The following STAT6 variants were observed in gnomAD, a reference collection of about 807,000 sequenced individuals.
The protein encoded by STAT6 is STAT, interleukin4-induced.
A neutral mutation model predicts 106.3 loss-of-function variants in STAT6; 45 were observed. That is an observed-to-expected ratio of 0.42 (90% CI 0.33 to 0.54). The LOEUF (loss-of-function observed/expected upper bound fraction) is 0.54. Among genes scored for constraint, STAT6 ranks in the 20% least tolerant of loss-of-function variants. STAT6 has a pLI of 0.06. For synonymous variants in STAT6, 413 were observed against 413.6 expected (o/e 1.00, Z 0.02); for missense variants, 797 against 1,062.2 (o/e 0.75, Z 3.47).
At chr12:57,100,702 GAAAGAAAGAAAGAAAGAAA>G (rs2033840550) in intron 13 of STAT6, 4 of 55,726 alleles carry the variant, frequency 7.2e-5, no homozygotes, top group Non-Finnish European at 1.0e-4. Flanking sequence ...GAAAGAAAGA[GAAAGAAAGAAAGAAAGAAA>G]GAAAGAAAGA....
intron 1 of STAT6, chr12:57,110,363 G>A (rs2034510718): frequency 6.6e-6 from 1 of 152,338 alleles, no homozygotes; most frequent in Admixed American, 6.5e-5. Context: ...CACGGCGTGA[G>A]GGGCGGGGCC....
Position 57,097,310 on chromosome 12 carries a change from T to C in STAT6, c.2160-177A>G, listed in dbSNP as rs190957867. 1.5e-5 allele frequency: 7 copies of C among 456,132 alleles called. No individual in the cohort carries two copies. In the East Asian group the frequency reaches 2.1e-4, roughly 14 times the overall value. The allele number at this position is 456,132 out of a possible 1,614,324, so 28.3% of individuals were successfully genotyped here. ...TCTTCTCATCTGTAAAATGTGCGTG[T>C]TATGGGGGTGGATTAGCCAATTTCT... On this transcript the variant is annotated intron_variant, in intron 19 of 21. Transcript: ENST00000300134.
At chr12:57,103,056 T>C (rs399685) in intron 11 of STAT6, 135 bp from the exon 12 acceptor site, 15 of 612,804 alleles carry the variant, frequency 2.4e-5, no homozygotes, top group Non-Finnish European at 3.9e-5. Flanking sequence ...AGTGCAGTAG[T>C]GCAATCTCAG....
Position 57,096,879 on chromosome 12 carries a change from C to G in STAT6, c.2325G>C (p.Gln775His). The G allele has an allele frequency of 6.2e-7, 1 of 1,614,194 alleles. No homozygotes were observed. The highest frequency in any genetic ancestry group is 8.5e-7 in the Non-Finnish European group (1 of 1,180,042). ...VTMVEDSCLS[Q>H]PVTAFPQGTW... Reference sequence around the variant, plus strand: ...TGCCCTGAGGAAACGCTGTCACTGGCTGGCTCAGGCAGCTGTCTTCCACCA... The same window carrying G: ...TGCCCTGAGGAAACGCTGTCACTGGGTGGCTCAGGCAGCTGTCTTCCACCA... Residue 775 changes from glutamine to histidine, a missense_variant, in exon 21 of 22, where the codon CAG becomes CAC. Transcript: ENST00000300134.
chr12:57,104,586 G>A lies in STAT6; in HGVS notation c.1090C>T (p.Leu364Phe). 2.5e-6 allele frequency: 4 copies of A among 1,614,038 alleles called. No individual in the cohort carries two copies. The highest frequency in any genetic ancestry group is 3.4e-6 in the Non-Finnish European group (4 of 1,179,958). Residue 364 changes from leucine to phenylalanine, a missense_variant and splice_region_variant, in exon 11 of 22, where the codon CTT (leucine) becomes TTT (phenylalanine). Coordinates refer to ENST00000300134, the MANE Select transcript of STAT6 (RefSeq NM_003153.5). ...TCACACCGCTTGATCTTCTTGAGAA[G>A]CTGTGGGTGGGGTGAGGGAGAGCAA... ...NCCSALFKNL[L>F]LKKIKRCERK...
intron 1 of STAT6, among the ~76,000 whole-genome samples, chr12:57,110,899 T>TG (rs1468374829): frequency 6.6e-6 from 1 of 152,064 alleles, no homozygotes; most frequent in African/African-American, 2.4e-5. Context: ...GGGGTGAGGC[T>TG]GTGAAAACGT....
rs770901718 is a variant in STAT6, at chr12:57,096,546, T to C, written c.*26A>G. 67 of 1,552,042 alleles carry C rather than the reference T, an allele frequency of 4.3e-5. No homozygotes were observed. The highest frequency in any genetic ancestry group is 5.6e-5 in the Non-Finnish European group (64 of 1,152,318). On this transcript the variant is annotated 3_prime_UTR_variant, in exon 22 of 22. Coordinates refer to ENST00000300134, the MANE Select transcript of STAT6 (RefSeq NM_003153.5). ...CTGTGGGGGTAGTAGAAGAGCTGTCTCTTTGGGTTCTCCCTCCAGCTGGGA... is the reference window on the plus strand; with the variant it reads ...CTGTGGGGGTAGTAGAAGAGCTGTCCCTTTGGGTTCTCCCTCCAGCTGGGA...
In STAT6 at chr12:57,104,706, T is replaced by TGCACCCCAAAGCCCCTCACC. The variant is rs1175053235; in HGVS notation, c.1089_1089+19dup. ...AGTCTCCTAGTGGTGCCCCCCTCAC[T>TGCACCCCAAAGCCCCTCACC]GCACCCCAAAGCCCCTCACCAGGTT... On this transcript the variant is annotated intron_variant, in intron 10 of 21. Transcript: ENST00000300134. 6.2e-7 allele frequency: 1 copy of TGCACCCCAAAGCCCCTCACC among 1,613,910 alleles called. No homozygotes were observed. The highest frequency in any genetic ancestry group is 2.2e-5 in the East Asian group (1 of 44,890).
At position 57,099,104 on chromosome 12, in the gene STAT6, A is replaced by T. The variant is rs754766955; in HGVS notation, c.1892-26T>A. Reference sequence around the variant, plus strand: ...CTGTTGTGAGAAGGAAAAGACAGCCATGGAGTGCTCTGGGGTTAGGGAGGA... The same window carrying T: ...CTGTTGTGAGAAGGAAAAGACAGCCTTGGAGTGCTCTGGGGTTAGGGAGGA... On this transcript the variant is annotated intron_variant, in intron 16 of 21. Coordinates refer to ENST00000300134, the MANE Select transcript of STAT6 (RefSeq NM_003153.5). This position sits in a 1 kb window ranked among gnomAD's most constrained non-coding sequence, Gnocchi z 4.7. 3 of 1,613,916 alleles carry T rather than the reference A, an allele frequency of 1.9e-6. No individual in the cohort carries two copies. Among genetic ancestry groups the T allele is most frequent in the Admixed American group, 3.3e-5 (2 of 60,024 alleles).
In STAT6 at chr12:57,107,271, C is replaced by G; in HGVS notation, c.299G>C (p.Arg100Thr). Residue 100 changes from arginine to threonine, a missense_variant, in exon 4 of 22, where the codon AGA (arginine) becomes ACA (threonine). Physicochemically the swap from Arg to Thr is moderately conservative, Grantham distance 71. Around this residue, in one of 4 missense-constraint regions of STAT6, gnomAD observed 336 missense variants for 429.8 expected, o/e 0.78. Transcript: ENST00000300134. ...RDPLKLVATF[R>T]QILQGEKKAV... ...TTTTTTCTCTCCTTGAAGTATTTGT[C>G]TGAAAGTGGCCACCAGCTTCAGGGG... 6.2e-7 allele frequency: 1 copy of G among 1,614,172 alleles called. No homozygotes were observed. The highest frequency in any genetic ancestry group is 8.5e-7 in the Non-Finnish European group (1 of 1,180,038).
intron 1 of STAT6, 97 bp from the exon 2 acceptor site, chr12:57,108,396 G>A: frequency 1.5e-6 from 1 of 678,770 alleles, no homozygotes; most frequent in Admixed American, 2.2e-5. Flanking sequence ...CCCTCCTAGG[G>A]ACCGTCCCCA....
At chr12:57,107,459 A>T in intron 3 of STAT6, 145 bp from the exon 4 acceptor site, 1 of 1,331,130 alleles carries the variant, frequency 7.5e-7, no homozygotes, top group Non-Finnish European at 1.0e-6. Flanking sequence ...GCATGCTTTT[A>T]AAATCTAATT....
rs1209667471 is a variant in STAT6, at chr12:57,102,938, CAG to C, written c.1213-19_1213-18del. 6.4e-6 allele frequency: 8 copies of C among 1,256,870 alleles called. No homozygotes were observed. The highest frequency in any genetic ancestry group is 2.4e-5 in the Admixed American group (1 of 40,888). 77.9% of individuals were successfully genotyped at this position (1,256,870 alleles called of 1,614,324 possible). ...AGACAGGGCCTGAAGAGGGTGAGGACAGGGGTTTCTTTTCTTTCTTTCTTTCC... is the reference window on the plus strand; with the variant it reads ...AGACAGGGCCTGAAGAGGGTGAGGACGGGTTTCTTTTCTTTCTTTCTTTCC... On this transcript the variant is annotated intron_variant, in intron 11 of 21. Transcript: ENST00000300134.
intron 19 of STAT6, among the ~76,000 whole-genome samples, chr12:57,098,181 C>T (rs2033572873): frequency 6.6e-6 from 1 of 152,188 alleles, no homozygotes; most frequent in Non-Finnish European, 1.5e-5. Context: ...ATGCACTATG[C>T]TCAGCTTTTT....
chr12:57,100,202 C>A, intron 13 of STAT6, 112 bp from the exon 14 acceptor site: 1 of 868,370 alleles, frequency 1.2e-6, no homozygotes, highest in Non-Finnish European at 1.9e-6. Flanking sequence ...GGCTGAGGAT[C>A]AGACCGAACC....
rs140710987 is a variant in STAT6, at chr12:57,103,035, G to A, written c.1213-114C>T. 586 of 711,522 alleles carry A rather than the reference G, an allele frequency of 8.2e-4. 6 individuals carry two copies. In the African/African-American group the frequency reaches 0.012, roughly 15 times the overall value. The allele number at this position is 711,522 out of a possible 1,614,324, so 44.1% of individuals were successfully genotyped here. On this transcript the variant is annotated intron_variant, in intron 11 of 21. Coordinates refer to ENST00000300134, the MANE Select transcript of STAT6 (RefSeq NM_003153.5). ...TTTTTAGATAGTATCTCACTCTGTTGCCCAGGCTGGAGTGCAGTAGTGCAA... is the reference window on the plus strand; with the variant it reads ...TTTTTAGATAGTATCTCACTCTGTTACCCAGGCTGGAGTGCAGTAGTGCAA...
intron 13 of STAT6, chr12:57,100,732 AAGAAAGAAAG>A (rs1317996392): frequency 2.5e-5 from 6 of 241,936 alleles, no homozygotes; most frequent in Non-Finnish European, 4.3e-5. Context: ...GAAAGAAAGA[AAGAAAGAAAG>A]AAAGAAAAGA....
At position 57,100,087 on chromosome 12, in the gene STAT6, T is replaced by C. The variant is rs2033721856; in HGVS notation, c.1516A>G (p.Ile506Val). ...AAGGTGAAGCCACGGCCCAGCAGGA[T>C]CTCCTAGGGGGAGAGGGGGAAAGGT... Reference protein sequence around the residue: ...SVSWSQFNKEILLGRGFTFWQ... With the variant: ...SVSWSQFNKEVLLGRGFTFWQ... The change falls in exon 14 of 22, where the codon ATC (isoleucine) becomes GTC (valine). Residue 506 changes from isoleucine (I) to valine (V), a missense_variant. Coordinates refer to ENST00000300134, the MANE Select transcript of STAT6 (RefSeq NM_003153.5). 6.3e-7 allele frequency: 1 copy of C among 1,596,504 alleles called. No individual in the cohort carries two copies. The highest frequency in any genetic ancestry group is 1.8e-5 in the Admixed American group (1 of 57,026).
In STAT6 at chr12:57,102,817, G is replaced by T. The variant is rs1007483298; in HGVS notation, c.1305+12C>A. ...CTGCCCCTGTTCCCTCCAACTCCAG[G>T]ACTTTCCTCACCATCTCAGAGAAGG... On this transcript the variant is annotated intron_variant, in intron 12 of 21. Coordinates refer to ENST00000300134, the MANE Select transcript of STAT6 (RefSeq NM_003153.5). The T allele has an allele frequency of 1.2e-6, 2 of 1,610,190 alleles. No individual in the cohort carries two copies. Among genetic ancestry groups the T allele is most frequent in the African/African-American group, 1.3e-5 (1 of 74,748 alleles).
Sources: gnomAD v4.1 joint callset for allele counts (sites outside exome capture counted in the v4.1 genomes callset) on GRCh38, gnomAD v4.1.1 for gene constraint, gnomAD v4.1.1 regional missense constraint, Gnocchi (gnomAD v3.1) non-coding constraint, MANE v1.5 for transcripts, NCBI Gene and HGNC (gene_info 2026-07-23, HGNC 2026-07-21) for gene names.